GNA12: variants seen among roughly 807,000 people sequenced by gnomAD.
GNA12 encodes the protein G protein subunit alpha 12.
In GNA12, 9 loss-of-function variants were observed where a neutral mutation model predicts 26.0. The ratio of observed to expected loss-of-function variants is 0.35; its 90% CI spans 0.21 to 0.60. The LOEUF is 0.60. GNA12 is among the 20% of genes least tolerant of loss of function. The pLI, the probability that GNA12 is intolerant of heterozygous loss-of-function variation, is 0.78. For synonymous variants in GNA12, 264 were observed against 219.6 expected (o/e 1.20, Z -1.79); for missense variants, 405 against 525.8 (o/e 0.77, Z 2.25).
chr7:2,738,117 T>G (rs574729593), intron 2 of GNA12, among the ~76,000 whole-genome samples: 1 of 152,246 alleles, frequency 6.6e-6, no homozygotes, highest in Non-Finnish European at 1.5e-5. Context: ...TGCTAATTTA[T>G]CATCCCCAAA....
At chr7:2,773,120 T>C (rs1248580184) in intron 2 of GNA12, among the ~76,000 whole-genome samples, 3 of 152,132 alleles carry the variant, frequency 2.0e-5, no homozygotes, top group African/African-American at 7.2e-5. Context: ...GTGGTATCAA[T>C]GGGGAAGCAG....
chr7:2,753,361 G>GA, intron 2 of GNA12, among the ~76,000 whole-genome samples: 1 of 151,916 alleles, frequency 6.6e-6, no homozygotes. Context: ...ATGTTGTCCA[G>GA]GCTGGTCTTA....
chr7:2,828,543 C>T (rs144205993), intron 1 of GNA12, among the ~76,000 whole-genome samples: 3 of 152,092 alleles, frequency 2.0e-5, no homozygotes, highest in South Asian at 4.1e-4. Context: ...GTACCAGGGA[C>T]GCAGCTGGGG....
At chr7:2,789,136 T>TACA (rs1562429275) in intron 2 of GNA12, among the ~76,000 whole-genome samples, 1 of 105,420 alleles carries the variant, frequency 9.5e-6, no homozygotes, top group Non-Finnish European at 2.0e-5. Context: ...AGGCATCTTT[T>TACA]TTTTTTTTTT....
chr7:2,832,656 G>A (rs186861460), intron 1 of GNA12, among the ~76,000 whole-genome samples: 1 of 152,330 alleles, frequency 6.6e-6, no homozygotes, highest in Non-Finnish European at 1.5e-5. Context: ...TGCTGCTGTG[G>A]TCTGATTTAA....
rs1340020329 is a variant in GNA12, at chr7:2,735,080, G to A, written c.526-1579C>T. Among the ~76,000 whole-genome samples, 7 of 151,030 alleles carry A rather than the reference G, an allele frequency of 4.6e-5. 1 individual carries two copies. In the South Asian group the frequency reaches 1.0e-3, roughly 23 times the overall value. On this transcript the variant is annotated intron_variant, in intron 2 of 3. Coordinates refer to ENST00000275364, the MANE Select transcript of GNA12 (RefSeq NM_007353.3). The stretch of plus-strand genomic sequence containing the variant: ...TCATGCCTCCTTCCACACCCTGACA[G>A]GAAGCAGCTGGGAGAAGCCGTTGGG...
intron 2 of GNA12, among the ~76,000 whole-genome samples, chr7:2,772,388 G>A (rs1368359304): frequency 6.6e-6 from 1 of 152,020 alleles, no homozygotes; most frequent in East Asian, 1.9e-4. Flanking sequence ...GGTGAAACCC[G>A]TCTCTACTAA....
intron 1 of GNA12, among the ~76,000 whole-genome samples, chr7:2,825,592 C>T (rs890995020): frequency 6.6e-6 from 1 of 152,216 alleles, no homozygotes; most frequent in South Asian, 2.1e-4. Flanking sequence ...TGCCATCATA[C>T]AGCTACTGTG....
At chr7:2,812,288 T>C (rs1363825614) in intron 1 of GNA12, among the ~76,000 whole-genome samples, 1 of 152,242 alleles carries the variant, frequency 6.6e-6, no homozygotes, top group African/African-American at 2.4e-5. Flanking sequence ...CTTCTAAAGC[T>C]GCTAAGACAC....
rs950790675 is a variant in GNA12, at chr7:2,729,876, G to A, written c.*1305C>T. 6.6e-6 allele frequency: 1 copy of A among 152,444 alleles called. No individual in the cohort carries two copies. Among genetic ancestry groups the A allele is most frequent in the African/African-American group, 2.4e-5 (1 of 41,468 alleles). 9.4% of individuals were successfully genotyped at this position (152,444 alleles called of 1,614,324 possible). A position where few individuals can be genotyped will look rare whatever the true frequency, so the allele number is the denominator to read the frequency against. ...CACAGTGAAAGCCACCTGGCAGGTA[G>A]CTGGACAAGTGAGCTGGGCCCAGGA... is the stretch of plus-strand genomic sequence containing the variant. On this transcript the variant is annotated 3_prime_UTR_variant, in exon 4 of 4. Transcript: ENST00000275364.
intron 2 of GNA12, among the ~76,000 whole-genome samples, chr7:2,749,209 C>T (rs923399401): frequency 3.3e-5 from 5 of 152,178 alleles, no homozygotes; most frequent in African/African-American, 4.8e-5. Context: ...GACACATGCA[C>T]ACGTGTGTTT....
chr7:2,842,803 G>A (rs1284572765), intron 1 of GNA12, among the ~76,000 whole-genome samples: 2 of 152,138 alleles, frequency 1.3e-5, no homozygotes, highest in Non-Finnish European at 2.9e-5. Flanking sequence ...GTTTTTACAT[G>A]GAGGCCTCAT....
At chr7:2,836,140 T>C (rs1778831747) in intron 1 of GNA12, 1 of 230,150 alleles carries the variant, frequency 4.3e-6, no homozygotes, top group African/African-American at 2.4e-5. Flanking sequence ...AAGCAACTAG[T>C]AGATTCAAAT....
intron 2 of GNA12, among the ~76,000 whole-genome samples, chr7:2,769,505 C>T (rs933534732): frequency 5.3e-5 from 8 of 151,702 alleles, no homozygotes; most frequent in African/African-American, 1.9e-4. Flanking sequence ...CCGAGGTCGG[C>T]GGATCACGAG....
chr7:2,747,774 C>G (rs981593956), intron 2 of GNA12, among the ~76,000 whole-genome samples: 1 of 152,028 alleles, frequency 6.6e-6, no homozygotes, highest in African/African-American at 2.4e-5. Flanking sequence ...TCTAGAAAAC[C>G]CCATCATCTC....
intron 2 of GNA12, among the ~76,000 whole-genome samples, chr7:2,752,376 G>T (rs1791083550): frequency 6.6e-6 from 1 of 152,100 alleles, no homozygotes; most frequent in Non-Finnish European, 1.5e-5. Flanking sequence ...CCTAACACTG[G>T]GTGTAAGGCA....
intron 2 of GNA12, among the ~76,000 whole-genome samples, chr7:2,780,051 C>CACATATATATAT (rs1554259631): frequency 1.6e-5 from 1 of 62,208 alleles, no homozygotes; most frequent in African/African-American, 5.7e-5. Context: ...TTTCTGTGTA[C>CACATATATATAT]ATATATATAT....
At chr7:2,744,282 C>A (rs1487739787) in intron 2 of GNA12, among the ~76,000 whole-genome samples, 1 of 152,226 alleles carries the variant, frequency 6.6e-6, no homozygotes, top group Non-Finnish European at 1.5e-5. Flanking sequence ...TAGGGGCGGA[C>A]TGACACCTCA....
chr7:2,731,824 C>CA lies in GNA12; in HGVS notation c.577-75dup. ...AGAGAAAATAGAAACAAAAAGATGG[C>CA]AAAAAGATAAGAAGGAAAGAGACTG... is the stretch of plus-strand genomic sequence containing the variant. On this transcript the variant is annotated intron_variant, in intron 3 of 3. Transcript: ENST00000275364. The surrounding 1 kb of genome is among the most constrained non-coding windows in gnomAD (Gnocchi z 6.0). 1 of 776,100 alleles carries CA rather than the reference C, an allele frequency of 1.3e-6. No individual in the cohort carries two copies. The highest frequency in any genetic ancestry group is 1.9e-6 in the Non-Finnish European group (1 of 519,598). 48.1% of individuals were successfully genotyped at this position (776,100 alleles called of 1,614,324 possible).
Sources: gnomAD v4.1 joint callset for allele counts (sites outside exome capture counted in the v4.1 genomes callset) on GRCh38, gnomAD v4.1.1 for gene constraint, Gnocchi (gnomAD v3.1) non-coding constraint, MANE v1.5 for transcripts, NCBI Gene and HGNC (gene_info 2026-07-23, HGNC 2026-07-21) for gene names.